TRPV4: variants seen among roughly 807,000 people sequenced by gnomAD.
The protein encoded by TRPV4 is OSM9-like transient receptor potential channel 4.
Under a neutral mutation model 84.1 loss-of-function variants are expected in TRPV4, and 58 were observed. That is an observed-to-expected ratio of 0.69 (90% CI 0.56 to 0.86). TRPV4 has a LOEUF of 0.86. Ranked by LOEUF, TRPV4 falls within the 40% of genes least tolerant of loss-of-function variation. The pLI, the probability that TRPV4 is intolerant of heterozygous loss-of-function variation, is 0.00. For missense variants in TRPV4, 879 were observed against 1,181.1 expected (o/e 0.74, Z 3.75); for synonymous variants, 489 against 500.9 (o/e 0.98, Z 0.32).
chr12:109,817,634 G>T (rs1208073442), intron 1 of TRPV4, among the ~76,000 whole-genome samples: 1 of 152,196 alleles, frequency 6.6e-6, no homozygotes, highest in Non-Finnish European at 1.5e-5. Context: ...CCGCGATCAT[G>T]ATTAGCATTC....
chr12:109,830,123 G>C (rs567230473), intron 1 of TRPV4, among the ~76,000 whole-genome samples: 1 of 152,146 alleles, frequency 6.6e-6, no homozygotes, highest in Non-Finnish European at 1.5e-5. Flanking sequence ...GCCAACTCAG[G>C]TTCCTATCTC....
intron 3 of TRPV4, among the ~76,000 whole-genome samples, chr12:109,804,571 C>G (rs1565876053): frequency 6.6e-6 from 1 of 152,180 alleles, no homozygotes; most frequent in South Asian, 2.1e-4. Flanking sequence ...ATCCATGAGA[C>G]GGGATTTAGG....
Position 109,833,333 on chromosome 12 carries a change from G to C in TRPV4, c.-32+17C>G, listed in dbSNP as rs984114686. The C allele has an allele frequency of 7.9e-5, 12 of 152,366 alleles. No homozygotes were observed. Among genetic ancestry groups the C allele is most frequent in the African/African-American group, 2.6e-4 (11 of 41,566 alleles). 9.4% of individuals were successfully genotyped at this position (152,366 alleles called of 1,614,324 possible). A position where few individuals can be genotyped will look rare whatever the true frequency, so the allele number is the denominator to read the frequency against. ...ACCTCGGCTGAGCCGCCCCTCCCGG[G>C]CCCGGGCCCCACTTACCTCCGGGAC... On this transcript the variant is annotated intron_variant, in intron 1 of 15. Coordinates refer to ENST00000261740, the MANE Select transcript of TRPV4 (RefSeq NM_021625.5).
chr12:109,814,949 C>A lies in TRPV4; in HGVS notation c.-31-122G>T. 1 of 935,542 alleles carries A rather than the reference C, an allele frequency of 1.1e-6. No individual in the cohort carries two copies. Among genetic ancestry groups the A allele is most frequent in the Non-Finnish European group, 1.6e-6 (1 of 634,604 alleles). The allele number at this position is 935,542 out of a possible 1,614,324, so 58.0% of individuals were successfully genotyped here. On this transcript the variant is annotated intron_variant, in intron 1 of 15. Coordinates refer to ENST00000261740, the MANE Select transcript of TRPV4 (RefSeq NM_021625.5). The surrounding 1 kb of genome is among the most constrained non-coding windows in gnomAD (Gnocchi z 5.4). ...TGCTTCAAAGCCACCGTTGTAATGA[C>A]AGGGGCACAGGGAGGCCACTCCCAG... is the stretch of plus-strand genomic sequence containing the variant.
Position 109,792,394 on chromosome 12 carries a change from G to A in TRPV4, c.1860C>T (p.Val620=). The A allele has an allele frequency of 6.2e-7, 1 of 1,613,942 alleles. No individual in the cohort carries two copies. Among genetic ancestry groups the A allele is most frequent in the Non-Finnish European group, 8.5e-7 (1 of 1,179,996 alleles). ...LFKDLFRFLL[V]YLLFMIGYAS... Reference sequence around the variant, plus strand: ...CGTAGCCGATCATGAAGAGCAAGTAGACGAGCAGGAATCGGAAAAGGTCCT... The same window carrying A: ...CGTAGCCGATCATGAAGAGCAAGTAAACGAGCAGGAATCGGAAAAGGTCCT... Residue 620 remains valine, a synonymous_variant, in exon 12 of 16, where the codon GTC becomes GTT. Transcript: ENST00000261740.
Position 109,783,785 on chromosome 12 carries a change from C to T in TRPV4, c.2459-7G>A, listed in dbSNP as rs1024882173. 16 of 1,610,574 alleles carry T rather than the reference C, an allele frequency of 9.9e-6. No individual in the cohort carries two copies. Among genetic ancestry groups the T allele is most frequent in the Non-Finnish European group, 1.4e-5 (16 of 1,179,848 alleles). ...ACCACCGAGGACCAGCGATCTGCAC[C>T]GAGAGCACATCAGAGGGAGGGGTGG... is the stretch of plus-strand genomic sequence containing the variant. On this transcript the variant is annotated splice_polypyrimidine_tract_variant and splice_region_variant and intron_variant, in intron 15 of 15. Transcript: ENST00000261740. This position sits in a 1 kb window ranked among gnomAD's most constrained non-coding sequence, Gnocchi z 4.6.
Position 109,796,517 on chromosome 12 carries a change from G to C in TRPV4, c.1332+8C>G, listed in dbSNP as rs1160008468. 3 of 1,613,876 alleles carry C rather than the reference G, an allele frequency of 1.9e-6. No homozygotes were observed. Among genetic ancestry groups the C allele is most frequent in the Non-Finnish European group, 2.5e-6 (3 of 1,179,978 alleles). ...TCCTCACACCCCATGCCCCCTCCTG[G>C]AGCCCACCTCAATCTTGCTGTTGTA... On this transcript the variant is annotated splice_region_variant and intron_variant, in intron 7 of 15. Coordinates refer to ENST00000261740, the MANE Select transcript of TRPV4 (RefSeq NM_021625.5). The surrounding 1 kb of genome is among the most constrained non-coding windows in gnomAD (Gnocchi z 4.2).
intron 2 of TRPV4, among the ~76,000 whole-genome samples, chr12:109,811,543 A>G (rs1891513940): frequency 6.6e-6 from 1 of 152,150 alleles, no homozygotes; most frequent in South Asian, 2.1e-4. Context: ...CTGTAGCTCC[A>G]GCTACCCAGG....
chr12:109,792,934 G>A (rs751983794), intron 10 of TRPV4, 117 bp from the exon 11 acceptor site: 150 of 1,013,154 alleles, frequency 1.5e-4, no homozygotes, highest in Admixed American at 2.5e-4. Flanking sequence ...ATGCCTTCTA[G>A]ACCCCCAGAA....
In TRPV4 at chr12:109,798,504, T is replaced by G; in HGVS notation, c.1152+110A>C. On this transcript the variant is annotated intron_variant, in intron 6 of 15. Coordinates refer to ENST00000261740, the MANE Select transcript of TRPV4 (RefSeq NM_021625.5). The surrounding 1 kb of genome is among the most constrained non-coding windows in gnomAD (Gnocchi z 5.0). ...ACATCTGCACACTGGGGTTGGCATG[T>G]TGGGAGGTGCATGCACGTATTAATA... The G allele has an allele frequency of 7.3e-7, 1 of 1,369,800 alleles. No homozygotes were observed. Among genetic ancestry groups the G allele is most frequent in the Non-Finnish European group, 1.0e-6 (1 of 993,076 alleles). 84.9% of individuals were successfully genotyped at this position (1,369,800 alleles called of 1,614,324 possible). A position where few individuals can be genotyped will look rare whatever the true frequency, so the allele number is the denominator to read the frequency against.
intron 12 of TRPV4, among the ~76,000 whole-genome samples, chr12:109,790,646 C>T (rs955167825): frequency 2.0e-5 from 3 of 152,050 alleles, no homozygotes; most frequent in African/African-American, 7.2e-5. Flanking sequence ...CTTTGGGAGG[C>T]TGAGGCAGGA....
In TRPV4 at chr12:109,814,834, G is replaced by T; in HGVS notation, c.-31-7C>A. ...CCCGTCTGCACTGCTCAGCCTGCAA[G>T]GGAATGAAAGGGGAGTCAGGCAGAA... On this transcript the variant is annotated splice_region_variant and splice_polypyrimidine_tract_variant and intron_variant, in intron 1 of 15. Transcript: ENST00000261740. The surrounding 1 kb of genome is among the most constrained non-coding windows in gnomAD (Gnocchi z 5.4). 6.5e-7 allele frequency: 1 copy of T among 1,534,498 alleles called. No individual in the cohort carries two copies. Among genetic ancestry groups the T allele is most frequent in the South Asian group, 1.2e-5 (1 of 83,966 alleles).
At chr12:109,827,573 T>A (rs1892289668) in intron 1 of TRPV4, among the ~76,000 whole-genome samples, 1 of 141,172 alleles carries the variant, frequency 7.1e-6, no homozygotes, top group Non-Finnish European at 1.6e-5. Context: ...ACACACACAC[T>A]ACACACAAAT....
Position 109,793,971 on chromosome 12 carries a change from C to T in TRPV4, c.1543G>A (p.Val515Ile). Reference protein sequence around the residue: ...TVDYLRLAGEVITLFTGVLFF... With the variant: ...TVDYLRLAGEIITLFTGVLFF... ...AGGACCCCAGTGAAGAGCGTAATGA[C>T]CTCGCCAGCCAGCCGCAGGTAGTCC... Residue 515 changes from valine (V) to isoleucine (I), a missense_variant, in exon 9 of 16, where the codon GTC (valine) becomes ATC (isoleucine). Around this residue, in one of 4 missense-constraint regions of TRPV4, gnomAD observed 521 missense variants for 686.6 expected, o/e 0.76. Coordinates refer to ENST00000261740, the MANE Select transcript of TRPV4 (RefSeq NM_021625.5). This position sits in a 1 kb window ranked among gnomAD's most constrained non-coding sequence, Gnocchi z 4.0. 6.2e-7 allele frequency: 1 copy of T among 1,610,416 alleles called. No homozygotes were observed. The highest frequency in any genetic ancestry group is 8.5e-7 in the Non-Finnish European group (1 of 1,179,116).
chr12:109,783,914 G>A lies in TRPV4; in HGVS notation c.2459-136C>T. 2 of 1,101,250 alleles carry A rather than the reference G, an allele frequency of 1.8e-6. No individual in the cohort carries two copies. Among genetic ancestry groups the A allele is most frequent in the South Asian group, 3.0e-5 (2 of 66,910 alleles). 68.2% of individuals were successfully genotyped at this position (1,101,250 alleles called of 1,614,324 possible). On this transcript the variant is annotated intron_variant, in intron 15 of 15. Transcript: ENST00000261740. This position sits in a 1 kb window ranked among gnomAD's most constrained non-coding sequence, Gnocchi z 4.6. ...GTGACTATGCTCATTTTACAGAGGTGGAAACTGGGGCTCAAGAGAGGTCAA... is the reference window on the plus strand; with the variant it reads ...GTGACTATGCTCATTTTACAGAGGTAGAAACTGGGGCTCAAGAGAGGTCAA...
intron 13 of TRPV4, among the ~76,000 whole-genome samples, chr12:109,787,391 A>G (rs1038159252): frequency 6.6e-6 from 1 of 152,056 alleles, no homozygotes; most frequent in Non-Finnish European, 1.5e-5. Context: ...GATAGCTTGA[A>G]CTCAGAAGTT....
At chr12:109,813,425 A>G (rs1891645725) in intron 2 of TRPV4, among the ~76,000 whole-genome samples, 1 of 152,164 alleles carries the variant, frequency 6.6e-6, no homozygotes, top group East Asian at 1.9e-4. Context: ...AAGAAAAAAA[A>G]AGCAGATGAA....
At chr12:109,801,251 C>T (rs1270938751) in intron 4 of TRPV4, among the ~76,000 whole-genome samples, 1 of 152,148 alleles carries the variant, frequency 6.6e-6, no homozygotes, top group African/African-American at 2.4e-5. Context: ...AGTTCAGTAC[C>T]AGCCTGGGCA....
chr12:109,809,037 C>G (rs889499281), intron 2 of TRPV4, among the ~76,000 whole-genome samples: 6 of 143,720 alleles, frequency 4.2e-5, no homozygotes, highest in Non-Finnish European at 7.6e-5. Context: ...CATCCACCCA[C>G]CCATCCATCC....
Sources: allele counts gnomAD v4.1 joint callset (sites outside exome capture counted in the v4.1 genomes callset), GRCh38; gene constraint gnomAD v4.1.1; regional missense constraint gnomAD v4.1.1; non-coding constraint Gnocchi (gnomAD v3.1); transcripts MANE v1.5; gene names NCBI Gene and HGNC (gene_info 2026-07-23, HGNC 2026-07-21).